The following USP6NL variants were observed in gnomAD, a reference collection of about 807,000 sequenced individuals.
USP6NL encodes USP6 N-terminal-like protein.
Under a neutral mutation model 61.9 loss-of-function variants are expected in USP6NL, and 26 were observed. The ratio of observed to expected loss-of-function variants is 0.42; its 90% CI spans 0.31 to 0.58. The LOEUF (loss-of-function observed/expected upper bound fraction) is 0.58. USP6NL is among the 20% of genes least tolerant of loss of function. The pLI is 0.16. For missense variants in USP6NL, 1,114 were observed against 1,034.3 expected, an observed-to-expected ratio of 1.08 and a Z score of -1.06; for synonymous variants, 432 against 390.1, an observed-to-expected ratio of 1.11 and a Z score of -1.27.
rs997098968 is a variant in USP6NL, at chr10:11,491,002, T to C, written c.495-122A>G. The stretch of plus-strand genomic sequence containing the variant: ...GATAATCCAGATAAAATTACTAATG[T>C]AATAAATTATCCCAAGTTCAAATTC... On this transcript the variant is annotated intron_variant, in intron 8 of 14. Transcript: ENST00000609104. This position sits in a 1 kb window ranked among gnomAD's most constrained non-coding sequence, Gnocchi z 4.7. 1 of 810,106 alleles carries C rather than the reference T, an allele frequency of 1.2e-6. No homozygotes were observed. The highest frequency in any genetic ancestry group is 1.9e-6 in the Non-Finnish European group (1 of 539,020). 50.2% of individuals were successfully genotyped at this position (810,106 alleles called of 1,614,324 possible). A position where few individuals can be genotyped will look rare whatever the true frequency, so the allele number is the denominator to read the frequency against.
Position 11,520,504 on chromosome 10 carries a change from G to A in USP6NL, c.156-1930C>T, listed in dbSNP as rs554357568. Among the ~76,000 whole-genome samples the A allele has an allele frequency of 6.6e-6, 1 of 152,336 alleles. No homozygotes were observed. Among genetic ancestry groups the A allele is most frequent in the South Asian group, 2.1e-4 (1 of 4,832 alleles). The stretch of plus-strand genomic sequence containing the variant: ...TGTAATGCCCAGAATACGTAAGTTG[G>A]CATGCTGGAAGAGCTCAGTAAACGG... On this transcript the variant is annotated intron_variant, in intron 4 of 14. Coordinates refer to ENST00000609104, the MANE Select transcript of USP6NL (RefSeq NM_014688.5). The surrounding 1 kb of genome is among the most constrained non-coding windows in gnomAD (Gnocchi z 5.2).
At chr10:11,605,988 G>A (rs943348565) in intron 1 of USP6NL, among the ~76,000 whole-genome samples, 1 of 152,070 alleles carries the variant, frequency 6.6e-6, no homozygotes, top group African/African-American at 2.4e-5. Context: ...CAAAATTGAC[G>A]AAAGACATCA....
intron 2 of USP6NL, among the ~76,000 whole-genome samples, chr10:11,560,714 T>TTTTATA (rs1555171619): frequency 2.1e-5 from 3 of 141,326 alleles, no homozygotes; most frequent in South Asian, 2.2e-4. Context: ...TATATATATA[T>TTTTATA]TATATATATA....
chr10:11,464,083 C>T (rs117359797), intron 14 of USP6NL, among the ~76,000 whole-genome samples: 2 of 152,160 alleles, frequency 1.3e-5, no homozygotes, highest in Admixed American at 6.5e-5. Flanking sequence ...CATACCAACA[C>T]TCACAATTAG....
intron 8 of USP6NL, among the ~76,000 whole-genome samples, chr10:11,492,652 A>T (rs540589546): frequency 2.6e-5 from 4 of 152,284 alleles, no homozygotes; most frequent in South Asian, 2.1e-4. Flanking sequence ...TCCTGATTAG[A>T]CTCTCTGACT....
chr10:11,542,289 TAAAGACCAACTGTA>T (rs1233810087), intron 2 of USP6NL, among the ~76,000 whole-genome samples: 1 of 152,182 alleles, frequency 6.6e-6, no homozygotes, highest in Non-Finnish European at 1.5e-5. Flanking sequence ...ATCAGACACA[TAAAGACCAACTGTA>T]AATAATGTGA....
intron 2 of USP6NL, among the ~76,000 whole-genome samples, chr10:11,556,124 A>G (rs1474363214): frequency 2.0e-5 from 3 of 152,224 alleles, no homozygotes; most frequent in Non-Finnish European, 2.9e-5. Context: ...TCTATATACA[A>G]TTAAAACATA....
intron 2 of USP6NL, among the ~76,000 whole-genome samples, chr10:11,583,385 G>A (rs1442019128): frequency 6.6e-6 from 1 of 151,800 alleles, no homozygotes; most frequent in Non-Finnish European, 1.5e-5. Context: ...TAGGGACGGG[G>A]TTTCACCGTG....
In USP6NL at chr10:11,520,028, A is replaced by C. The variant is rs1237486476; in HGVS notation, c.156-1454T>G. Reference sequence around the variant, plus strand: ...TAGGTGAACAATTACTACAGCCACAAAACTAACACAAAAGAATAACCGCCA... The same window carrying C: ...TAGGTGAACAATTACTACAGCCACACAACTAACACAAAAGAATAACCGCCA... On this transcript the variant is annotated intron_variant, in intron 4 of 14. Transcript: ENST00000609104. The surrounding 1 kb of genome is among the most constrained non-coding windows in gnomAD (Gnocchi z 5.2). 2.6e-5 allele frequency among the ~76,000 whole-genome samples: 4 copies of C among 152,186 alleles called. No individual in the cohort carries two copies. The highest frequency in any genetic ancestry group is 5.9e-5 in the Non-Finnish European group (4 of 68,030).
Position 11,463,050 on chromosome 10 carries a change from T to C in USP6NL, c.1878A>G (p.Leu626=), listed in dbSNP as rs1388906066. 4 of 1,614,004 alleles carry C rather than the reference T, an allele frequency of 2.5e-6. No individual in the cohort carries two copies. The highest frequency in any genetic ancestry group is 1.6e-4 in the Middle Eastern group (1 of 6,062). The change falls in exon 15 of 15, where the codon CTA becomes CTG. Residue 626 remains leucine (L), a synonymous_variant. Coordinates refer to ENST00000609104, the MANE Select transcript of USP6NL (RefSeq NM_014688.5). This position sits in a 1 kb window ranked among gnomAD's most constrained non-coding sequence, Gnocchi z 6.3. ...GATTGCTGTAGGAGGGGGGATGAGC[T>C]AGCCCTCGGGCTTCCCCATCTAGCT... The part of the protein sequence containing the change: ...PSQLDGEARG[L]AHPPSYSNPP...
At chr10:11,604,314 T>G (rs1456310487) in intron 1 of USP6NL, among the ~76,000 whole-genome samples, 11 of 152,212 alleles carry the variant, frequency 7.2e-5, no homozygotes, top group Admixed American at 7.2e-4. Flanking sequence ...AGGTTCTAAT[T>G]TCCTTAGCGG....
intron 6 of USP6NL, among the ~76,000 whole-genome samples, chr10:11,501,973 C>T (rs182461830): frequency 6.6e-6 from 1 of 152,240 alleles, no homozygotes; most frequent in Non-Finnish European, 1.5e-5. Flanking sequence ...ACATTGGTAT[C>T]ATCAGCTGGG....
rs182773031 is a variant in USP6NL, at chr10:11,480,011, G to A, written c.1078+1759C>T. Reference sequence around the variant, plus strand: ...GGCAGGCGATGAAAGGCAGATGGTCGTGCTAGAAAACGCAGAGATGCCTAA... The same window carrying A: ...GGCAGGCGATGAAAGGCAGATGGTCATGCTAGAAAACGCAGAGATGCCTAA... On this transcript the variant is annotated intron_variant, in intron 14 of 14. Coordinates refer to ENST00000609104, the MANE Select transcript of USP6NL (RefSeq NM_014688.5). Among the ~76,000 whole-genome samples, 29 of 152,264 alleles carry A rather than the reference G, an allele frequency of 1.9e-4. No homozygotes were observed. The East Asian group carries it at 3.5e-3, about 18-fold the overall frequency.
chr10:11,470,048 C>G lies in USP6NL; in HGVS notation c.1079-6199G>C, dbSNP rs1832663841. Among the ~76,000 whole-genome samples the G allele has an allele frequency of 2.0e-5, 3 of 152,226 alleles. No homozygotes were observed. Among genetic ancestry groups the G allele is most frequent in the Non-Finnish European group, 4.4e-5 (3 of 68,038 alleles). ...CAGCTTACGTTTCCAGGGAGGCCCTCAGGCCCCCGGGGCAGCGCTGTGGAG... is the reference window on the plus strand; with the variant it reads ...CAGCTTACGTTTCCAGGGAGGCCCTGAGGCCCCCGGGGCAGCGCTGTGGAG... On this transcript the variant is annotated intron_variant, in intron 14 of 14. Transcript: ENST00000609104. The surrounding 1 kb of genome is among the most constrained non-coding windows in gnomAD (Gnocchi z 5.4).
chr10:11,492,778 T>G (rs1350028119), intron 8 of USP6NL, among the ~76,000 whole-genome samples: 2 of 152,234 alleles, frequency 1.3e-5, no homozygotes, highest in African/African-American at 4.8e-5. Flanking sequence ...CATTTATGCA[T>G]GGGGGTCAAG....
intron 2 of USP6NL, among the ~76,000 whole-genome samples, chr10:11,547,345 G>C (rs536065700): frequency 5.9e-5 from 9 of 152,294 alleles, no homozygotes; most frequent in African/African-American, 2.2e-4. Context: ...AATTACAGAT[G>C]AGGAAAGGGA....
intron 2 of USP6NL, among the ~76,000 whole-genome samples, chr10:11,577,766 A>C (rs537986448): frequency 6.7e-6 from 1 of 150,290 alleles, no homozygotes; most frequent in Non-Finnish European, 1.5e-5. Context: ...CCCCCAAAGT[A>C]CTGGGATTAC....
At chr10:11,486,092 T>C (rs1833457114) in intron 10 of USP6NL, among the ~76,000 whole-genome samples, 181 bp from the exon 11 acceptor site, 1 of 152,030 alleles carries the variant, frequency 6.6e-6, no homozygotes, top group African/African-American at 2.4e-5. Context: ...AATGAAACTT[T>C]TAGCCTAGGA....
At position 11,540,427 on chromosome 10, in the gene USP6NL, C is replaced by A. The variant is rs1836004053; in HGVS notation, c.5-12860G>T. Among the ~76,000 whole-genome samples the A allele has an allele frequency of 6.6e-6, 1 of 152,188 alleles. No homozygotes were observed. The highest frequency in any genetic ancestry group is 1.5e-5 in the Non-Finnish European group (1 of 68,016). On this transcript the variant is annotated intron_variant, in intron 2 of 14. Coordinates refer to ENST00000609104, the MANE Select transcript of USP6NL (RefSeq NM_014688.5). The surrounding 1 kb of genome is among the most constrained non-coding windows in gnomAD (Gnocchi z 5.0). ...TATCCTTTTAGTATTACTAAAGCAA[C>A]TGCCTTCATGATTAATTCCCATGAC...
Sources: gnomAD v4.1 joint callset for allele counts (sites outside exome capture counted in the v4.1 genomes callset) on GRCh38, gnomAD v4.1.1 for gene constraint, Gnocchi (gnomAD v3.1) non-coding constraint, MANE v1.5 for transcripts, NCBI Gene and HGNC (gene_info 2026-07-23, HGNC 2026-07-21) for gene names.